The following PTDSS1 variants were observed in gnomAD, a reference collection of about 807,000 sequenced individuals.
PTDSS1 encodes the protein phosphatidylserine synthase 1, also known as PSS-1.
In PTDSS1, 45 loss-of-function variants were observed where a neutral mutation model predicts 70.5. The observed-to-expected ratio is 0.64, with a 90% CI of 0.50 to 0.82. PTDSS1 has a LOEUF of 0.82. Among genes scored for constraint, PTDSS1 ranks in the 40% least tolerant of loss-of-function variants. The pLI is 0.00. For missense variants in PTDSS1, 417 were observed against 586.1 expected (o/e 0.71, Z 2.98); for synonymous variants, 188 against 203.8 (o/e 0.92, Z 0.66).
chr8:96,307,555 G>A (rs1445219364), intron 8 of PTDSS1, among the ~76,000 whole-genome samples: 1 of 147,532 alleles, frequency 6.8e-6, no homozygotes, highest in African/African-American at 2.5e-5. Flanking sequence ...ATTCCCATCT[G>A]TTCTTTTTGT....
intron 2 of PTDSS1, among the ~76,000 whole-genome samples, chr8:96,273,817 T>C (rs1289668182): frequency 6.6e-6 from 1 of 152,238 alleles, no homozygotes; most frequent in Non-Finnish European, 1.5e-5. Context: ...TGAGTATTAC[T>C]TAAATAAGTT....
chr8:96,327,515 A>C (rs1471775114), intron 10 of PTDSS1, among the ~76,000 whole-genome samples: 1 of 152,132 alleles, frequency 6.6e-6, no homozygotes, highest in African/African-American at 2.4e-5. Flanking sequence ...TTGATCGCAG[A>C]CTCAGGAGTA....
At chr8:96,280,260 A>G (rs965926102) in intron 2 of PTDSS1, among the ~76,000 whole-genome samples, 3 of 152,246 alleles carry the variant, frequency 2.0e-5, no homozygotes, top group South Asian at 2.1e-4. Flanking sequence ...GGTGGCTGAC[A>G]CCTGTAATCT....
rs3060814 is a variant in PTDSS1 at position 96,309,749 on chromosome 8, A to ATATATCTATATC, written c.1073+139_1073+150dup. 2,727 of 682,786 alleles carry ATATATCTATATC rather than the reference A, an allele frequency of 4.0e-3. 52 individuals are homozygous for ATATATCTATATC. The highest frequency in any genetic ancestry group is 0.039 in the African/African-American group (2,134 of 54,522). The allele number at this position is 682,786 out of a possible 1,614,324, so 42.3% of individuals were successfully genotyped here. A position where few individuals can be genotyped will look rare whatever the true frequency, so the allele number is the denominator to read the frequency against. Reference sequence around the variant, plus strand: ...TATGAAGACAGGTGGACTAGATTTTATATATCTATATCTATATCTATATAT... The same window carrying ATATATCTATATC: ...TATGAAGACAGGTGGACTAGATTTTATATATCTATATCTATATCTATATCTATATCTATATAT... On this transcript the variant is annotated intron_variant, in intron 9 of 12. Coordinates refer to ENST00000517309, the MANE Select transcript of PTDSS1 (RefSeq NM_014754.3).
intron 10 of PTDSS1, among the ~76,000 whole-genome samples, chr8:96,326,714 G>C (rs755067023): frequency 6.6e-6 from 1 of 152,200 alleles, no homozygotes; most frequent in African/African-American, 2.4e-5. Flanking sequence ...TTTTCAAGCG[G>C]GGAAACAATG....
intron 5 of PTDSS1, among the ~76,000 whole-genome samples, chr8:96,296,065 G>A (rs1440673788): frequency 6.9e-6 from 1 of 145,798 alleles, no homozygotes; most frequent in East Asian, 2.1e-4. Context: ...CCCTGGGCTT[G>A]TTGATGCATG....
chr8:96,271,130 C>G (rs1304299739), intron 1 of PTDSS1, among the ~76,000 whole-genome samples: 1 of 152,174 alleles, frequency 6.6e-6, no homozygotes, highest in Non-Finnish European at 1.5e-5. Context: ...GAATACCTCT[C>G]TCCATACTTC....
At position 96,330,198 on chromosome 8, in the gene PTDSS1, GT is replaced by G; in HGVS notation, c.1174-10del. On this transcript the variant is annotated splice_polypyrimidine_tract_variant and intron_variant, in intron 10 of 12. Transcript: ENST00000517309. The stretch of plus-strand genomic sequence containing the variant: ...TGAACTTTTTTGTGCAGCATCATTT[GT>G]TTTTCTCTTCCAGGCTTTCACCACT... 1 of 1,606,040 alleles carries G rather than the reference GT, an allele frequency of 6.2e-7. No homozygotes were observed.
At chr8:96,270,213 G>C (rs1322265041) in intron 1 of PTDSS1, among the ~76,000 whole-genome samples, 1 of 152,122 alleles carries the variant, frequency 6.6e-6, no homozygotes, top group Non-Finnish European at 1.5e-5. Context: ...CTGCTATAGA[G>C]TGTTACAAAG....
At chr8:96,279,515 T>C (rs2130030607) in intron 2 of PTDSS1, among the ~76,000 whole-genome samples, 1 of 152,108 alleles carries the variant, frequency 6.6e-6, no homozygotes, top group African/African-American at 2.4e-5. Context: ...TCACTACTTT[T>C]TGTAAAAAAA....
At position 96,262,347 on chromosome 8, in the gene PTDSS1, A is replaced by G. The variant is rs541261788; in HGVS notation, c.179+128A>G. On this transcript the variant is annotated intron_variant, in intron 1 of 12. Coordinates refer to ENST00000517309, the MANE Select transcript of PTDSS1 (RefSeq NM_014754.3). This position sits in a 1 kb window ranked among gnomAD's most constrained non-coding sequence, Gnocchi z 4.4. Reference sequence around the variant, plus strand: ...TGGGCTGGCTGCTCCACGCACACGCACTGGCAGCCCGCCGCCCACGCGGCC... The same window carrying G: ...TGGGCTGGCTGCTCCACGCACACGCGCTGGCAGCCCGCCGCCCACGCGGCC... 7 of 1,224,244 alleles carry G rather than the reference A, an allele frequency of 5.7e-6. No homozygotes were observed. The South Asian group carries it at 9.4e-5, about 16-fold the overall frequency. 75.8% of individuals were successfully genotyped at this position (1,224,244 alleles called of 1,614,324 possible). A position where few individuals can be genotyped will look rare whatever the true frequency, so the allele number is the denominator to read the frequency against.
intron 12 of PTDSS1, among the ~76,000 whole-genome samples, chr8:96,332,156 C>A (rs1811526951): frequency 6.6e-6 from 1 of 151,896 alleles, no homozygotes; most frequent in Admixed American, 6.6e-5. Context: ...AGTTAGGGAA[C>A]CTCCACTGGC....
chr8:96,284,600 CAAAG>C (rs1279622400), intron 3 of PTDSS1, among the ~76,000 whole-genome samples: 1 of 152,136 alleles, frequency 6.6e-6, no homozygotes, highest in Non-Finnish European at 1.5e-5. Flanking sequence ...AGACTTCTGA[CAAAG>C]AACCCTAATT....
intron 6 of PTDSS1, 85 bp from the exon 7 acceptor site, chr8:96,303,955 A>C: frequency 5.9e-6 from 8 of 1,359,618 alleles, no homozygotes; most frequent in Non-Finnish European, 4.0e-6. Flanking sequence ...TATAAAAATC[A>C]TCAGTGCACA....
chr8:96,316,836 T>C (rs1811296497), intron 9 of PTDSS1, among the ~76,000 whole-genome samples: 1 of 151,752 alleles, frequency 6.6e-6, no homozygotes, highest in African/African-American at 2.4e-5. Flanking sequence ...CTACTAAAAA[T>C]ACAAAAAATT....
chr8:96,329,435 G>A (rs1586212397), intron 10 of PTDSS1, among the ~76,000 whole-genome samples: 1 of 152,136 alleles, frequency 6.6e-6, no homozygotes, highest in African/African-American at 2.4e-5. Flanking sequence ...CTTTTCCTAA[G>A]CTTTGATTTT....
At chr8:96,286,866 T>C (rs1213404970) in intron 3 of PTDSS1, among the ~76,000 whole-genome samples, 156 bp from the exon 4 acceptor site, 2 of 152,250 alleles carry the variant, frequency 1.3e-5, no homozygotes, top group African/African-American at 4.8e-5. Flanking sequence ...TCAGACTGCC[T>C]CATCAAGGGA....
chr8:96,325,612 C>T lies in PTDSS1; in HGVS notation c.1174-4601C>T, dbSNP rs544690310. On this transcript the variant is annotated intron_variant, in intron 10 of 12. Transcript: ENST00000517309. ...TCCATCTCCTCTCCATTCCCACTGC[C>T]TCTGCGGCTGTCAGGACACCCATTT... Among the ~76,000 whole-genome samples the T allele has an allele frequency of 2.7e-4, 41 of 152,306 alleles. No individual in the cohort carries two copies. In the South Asian group the frequency reaches 8.1e-3, roughly 30 times the overall value.
chr8:96,267,514 C>G (rs1810504994), intron 1 of PTDSS1, among the ~76,000 whole-genome samples: 1 of 152,206 alleles, frequency 6.6e-6, no homozygotes, highest in African/African-American at 2.4e-5. Flanking sequence ...ATGGTCCCAT[C>G]TTTCCCTGTT....
Sources: allele counts gnomAD v4.1 joint callset (sites outside exome capture counted in the v4.1 genomes callset), GRCh38; gene constraint gnomAD v4.1.1; non-coding constraint Gnocchi (gnomAD v3.1); transcripts MANE v1.5; gene names NCBI Gene and HGNC (gene_info 2026-07-23, HGNC 2026-07-21).